TBC1D2B: variants seen among roughly 807,000 people sequenced by gnomAD.
TBC1D2B encodes TBC1 domain family member 2B.
A neutral mutation model predicts 100.8 loss-of-function variants in TBC1D2B; 64 were observed. The ratio of observed to expected loss-of-function variants is 0.64; its 90% confidence interval spans 0.52 to 0.78. The LOEUF (loss-of-function observed/expected upper bound fraction) is 0.78, where lower values mean the gene tolerates loss of function less well. Ranked by LOEUF, TBC1D2B falls within the 30% of genes least tolerant of loss-of-function variation. TBC1D2B has a pLI of 0.00. For synonymous variants in TBC1D2B, 480 were observed against 479.7 expected (o/e 1.00, Z -0.01); for missense variants, 1,052 against 1,218.4 (o/e 0.86, Z 2.03).
At chr15:78,011,899 G>A (rs1337384812) in intron 9 of TBC1D2B, among the ~76,000 whole-genome samples, 7 of 151,788 alleles carry the variant, frequency 4.6e-5, no homozygotes, top group African/African-American at 9.7e-5. Flanking sequence ...CGCCTGCCTC[G>A]ACCTCCCAAA....
intron 1 of TBC1D2B, among the ~76,000 whole-genome samples, chr15:78,074,625 T>C (rs1321578204): frequency 6.6e-6 from 1 of 152,114 alleles, no homozygotes; most frequent in Non-Finnish European, 1.5e-5. Context: ...ATCCTCCCTC[T>C]TCCCATCACA....
intron 2 of TBC1D2B, among the ~76,000 whole-genome samples, chr15:78,046,844 T>G (rs1458762909): frequency 6.6e-6 from 1 of 151,956 alleles, no homozygotes. Context: ...TAAAGGTCAC[T>G]GAGCACTGGT....
chr15:78,003,014 G>A, intron 11 of TBC1D2B: 1 of 289,276 alleles, frequency 3.5e-6, no homozygotes, highest in Non-Finnish European at 6.8e-6. Context: ...ATATGATGGG[G>A]TAACACCACC....
intron 1 of TBC1D2B, among the ~76,000 whole-genome samples, chr15:78,071,169 T>C (rs149892200): frequency 6.0e-4 from 92 of 152,288 alleles, no homozygotes; most frequent in African/African-American, 2.2e-3. Flanking sequence ...GGTCTCACTT[T>C]GTTGCCTAGG....
chr15:78,018,269 TTATC>T (rs1453878388), intron 6 of TBC1D2B, among the ~76,000 whole-genome samples: 2 of 152,212 alleles, frequency 1.3e-5, no homozygotes, highest in African/African-American at 4.8e-5. Context: ...TGCAAATATT[TTATC>T]TATCCATATT....
At chr15:78,014,019 G>C (rs2072304830) in intron 8 of TBC1D2B, among the ~76,000 whole-genome samples, 1 of 152,198 alleles carries the variant, frequency 6.6e-6, no homozygotes, top group East Asian at 1.9e-4. Flanking sequence ...CCCGAAGATG[G>C]GAAAAGGGGC....
intron 4 of TBC1D2B, among the ~76,000 whole-genome samples, chr15:78,025,909 G>T (rs2072654138): frequency 6.6e-6 from 1 of 151,818 alleles, no homozygotes; most frequent in South Asian, 2.1e-4. Flanking sequence ...ATCCTCCAGG[G>T]AGTTTGGCAT....
At chr15:78,028,681 C>T (rs1055001302) in intron 4 of TBC1D2B, among the ~76,000 whole-genome samples, 9 of 152,214 alleles carry the variant, frequency 5.9e-5, no homozygotes, top group Non-Finnish European at 1.0e-4. Context: ...GCATTCCTGT[C>T]GAATCAGAAG....
At position 78,009,015 on chromosome 15, in the gene TBC1D2B, CT is replaced by C; in HGVS notation, c.2369del (p.Lys790ArgfsTer4). 1 of 1,597,514 alleles carries C rather than the reference CT, an allele frequency of 6.3e-7. No individual in the cohort carries two copies. Among genetic ancestry groups the C allele is most frequent in the Non-Finnish European group, 8.5e-7 (1 of 1,171,286 alleles). On this transcript the variant is annotated frameshift_variant, in exon 10 of 13. Transcript: ENST00000300584. LOFTEE classifies it high-confidence loss of function. The part of the protein sequence containing the change: ...EVFMPRDYYT[K>X]TLLGSQVDQR... Reference sequence around the variant, plus strand: ...GAACTACCTGGGATCCTAAAAGAGTCTTTGTATAATAGTCTCGAGGCATGAA... The same window carrying C: ...GAACTACCTGGGATCCTAAAAGAGTCTTGTATAATAGTCTCGAGGCATGAA...
At chr15:78,050,202 CCA>C (rs2141790634) in intron 2 of TBC1D2B, among the ~76,000 whole-genome samples, 1 of 152,246 alleles carries the variant, frequency 6.6e-6, no homozygotes, top group Admixed American at 6.5e-5. Context: ...GCTACTCCTC[CCA>C]CGCCATCCCC....
chr15:78,050,152 C>T (rs1596324868), intron 2 of TBC1D2B, among the ~76,000 whole-genome samples: 3 of 152,144 alleles, frequency 2.0e-5, no homozygotes, highest in African/African-American at 7.2e-5. Flanking sequence ...CATCCTGCAC[C>T]GAGAGCACTG....
chr15:78,003,828 T>C (rs2071986183), intron 10 of TBC1D2B, among the ~76,000 whole-genome samples: 1 of 152,076 alleles, frequency 6.6e-6, no homozygotes, highest in Admixed American at 6.6e-5. Context: ...GCCTTGCCAA[T>C]CCACAAGTAA....
intron 1 of TBC1D2B, among the ~76,000 whole-genome samples, chr15:78,071,986 A>T (rs1171607976): frequency 6.6e-6 from 1 of 152,132 alleles, no homozygotes; most frequent in Non-Finnish European, 1.5e-5. Flanking sequence ...TCATAGGTGG[A>T]AGGGGAGATC....
chr15:78,007,168 C>A (rs1279484345), intron 10 of TBC1D2B, among the ~76,000 whole-genome samples: 2 of 152,184 alleles, frequency 1.3e-5, no homozygotes, highest in Non-Finnish European at 2.9e-5. Context: ...ATGGGCATGC[C>A]CAGAGAACAC....
At chr15:78,058,392 C>G (rs1464308180) in intron 1 of TBC1D2B, among the ~76,000 whole-genome samples, 1 of 152,212 alleles carries the variant, frequency 6.6e-6, no homozygotes, top group African/African-American at 2.4e-5. Flanking sequence ...TCTCTTTAAA[C>G]AGGCGCCTCC....
chr15:78,024,057 G>T, intron 6 of TBC1D2B, 99 bp downstream of exon 6: 1 of 1,421,404 alleles, frequency 7.0e-7, no homozygotes, highest in Non-Finnish European at 9.3e-7. Context: ...GTGTGCAGCT[G>T]TTCTGCCGTC....
intron 5 of TBC1D2B, 51 bp downstream of exon 5, chr15:78,025,208 G>T: frequency 6.5e-7 from 1 of 1,530,936 alleles, no homozygotes; most frequent in Non-Finnish European, 9.0e-7. Flanking sequence ...TACTCCTCCC[G>T]TCCTTGGCCT....
intron 1 of TBC1D2B, chr15:78,066,097 T>G (rs2141837569): frequency 2.1e-6 from 1 of 471,012 alleles, no homozygotes; most frequent in East Asian, 7.0e-5. Context: ...GTGAACACTG[T>G]TCCCTCCTGG....
intron 9 of TBC1D2B, among the ~76,000 whole-genome samples, chr15:78,010,591 G>A (rs1244338067): frequency 6.6e-6 from 1 of 152,068 alleles, no homozygotes; most frequent in Non-Finnish European, 1.5e-5. Context: ...AGACAGAGGA[G>A]AGAAAAACAA....
Sources: gnomAD v4.1 joint callset for allele counts (sites outside exome capture counted in the v4.1 genomes callset) on GRCh38, gnomAD v4.1.1 for gene constraint, MANE v1.5 for transcripts, NCBI Gene and HGNC (gene_info 2026-07-23, HGNC 2026-07-21) for gene names.